Variants in RFX3 observed in about 807,000 individuals in gnomAD.
RFX3 encodes regulatory factor X3.
RFX3 carries 14 observed loss-of-function variants against 98.6 expected under a neutral mutation model. That is an observed-to-expected ratio of 0.14 (90% CI 0.09 to 0.22). The LOEUF is 0.22. Ranked by LOEUF, RFX3 falls within the 10% of genes least tolerant of loss-of-function variation. The pLI is 1.00. For synonymous variants in RFX3, 383 were observed against 328.4 expected (o/e 1.17, Z -1.80); for missense variants, 639 against 926.9 (o/e 0.69, Z 4.03).
chr9:3,464,728 T>C (rs1003695687), intron 1 of RFX3, among the ~76,000 whole-genome samples: 3 of 152,158 alleles, frequency 2.0e-5, no homozygotes, highest in African/African-American at 4.8e-5. Flanking sequence ...ACTCATCAAA[T>C]TGTACACTTA....
chr9:3,292,061 C>CAAAAAAAAAAAAAAAA lies in RFX3; in HGVS notation c.731+1000_731+1015dup, dbSNP rs58788880. Among the ~76,000 whole-genome samples, 8 of 23,944 alleles carry CAAAAAAAAAAAAAAAA rather than the reference C, an allele frequency of 3.3e-4. 2 individuals are homozygous for CAAAAAAAAAAAAAAAA. Among genetic ancestry groups the CAAAAAAAAAAAAAAAA allele is most frequent in the African/African-American group, 5.6e-4 (4 of 7,106 alleles). 15.7% of individuals were successfully genotyped at this position (23,944 alleles called of 152,430 possible). A position where few individuals can be genotyped will look rare whatever the true frequency, so the allele number is the denominator to read the frequency against. ...ACAGAAACAGAGTGAGACTCCATCT[C>CAAAAAAAAAAAAAAAA]AAAAAAAAAAAAAAAAAAAAAAAAA... On this transcript the variant is annotated intron_variant, in intron 6 of 16. Coordinates refer to ENST00000617270, the MANE Select transcript of RFX3 (RefSeq NM_001282116.2).
At chr9:3,238,917 C>T (rs980857540) in intron 15 of RFX3, among the ~76,000 whole-genome samples, 2 of 151,192 alleles carry the variant, frequency 1.3e-5, no homozygotes, top group Non-Finnish European at 2.9e-5. Context: ...CGCTTGAACC[C>T]GGGAGGCAGA....
intron 1 of RFX3, among the ~76,000 whole-genome samples, chr9:3,488,594 C>G (rs1410936717): frequency 2.0e-5 from 3 of 152,078 alleles, no homozygotes; most frequent in Admixed American, 1.3e-4. Context: ...AATATACTAC[C>G]TATGATAAAG....
chr9:3,314,930 C>A (rs1370702813), intron 4 of RFX3, among the ~76,000 whole-genome samples: 1 of 152,124 alleles, frequency 6.6e-6, no homozygotes, highest in African/African-American at 2.4e-5. Context: ...TAATGGGAGA[C>A]TTTAGCACCC....
At chr9:3,241,684 T>TAAA (rs1017023295) in intron 15 of RFX3, among the ~76,000 whole-genome samples, 2 of 152,238 alleles carry the variant, frequency 1.3e-5, no homozygotes, top group African/African-American at 4.8e-5. Context: ...GATTTACAAC[T>TAAA]AAAACCAAAC....
At chr9:3,503,405 A>G (rs1816267566) in intron 1 of RFX3, among the ~76,000 whole-genome samples, 1 of 152,084 alleles carries the variant, frequency 6.6e-6, no homozygotes, top group Non-Finnish European at 1.5e-5. Flanking sequence ...TGTTATATTT[A>G]TTATATTTTA....
At position 3,222,556 on chromosome 9, in the gene RFX3, T is replaced by C. The variant is rs1817392475; in HGVS notation, c.*2486A>G. The C allele has an allele frequency of 6.6e-6, 1 of 151,070 alleles. No homozygotes were observed. The highest frequency in any genetic ancestry group is 6.6e-5 in the Admixed American group (1 of 15,258). 9.4% of individuals were successfully genotyped at this position (151,070 alleles called of 1,614,324 possible). A position where few individuals can be genotyped will look rare whatever the true frequency, so the allele number is the denominator to read the frequency against. On this transcript the variant is annotated 3_prime_UTR_variant, in exon 17 of 17. Transcript: ENST00000617270. The stretch of plus-strand genomic sequence containing the variant: ...ACAAAATGAAACCAGTAAATACATT[T>C]GGTCCAATACAGATATAGTATCACT...
chr9:3,396,385 GC>G (rs1228552286), intron 1 of RFX3, among the ~76,000 whole-genome samples: 1 of 152,086 alleles, frequency 6.6e-6, no homozygotes, highest in Non-Finnish European at 1.5e-5. Flanking sequence ...ATTTTTTATG[GC>G]TGCATAGTAT....
At chr9:3,336,872 G>C (rs1833248312) in intron 3 of RFX3, among the ~76,000 whole-genome samples, 2 of 152,114 alleles carry the variant, frequency 1.3e-5, no homozygotes, top group African/African-American at 2.4e-5. Context: ...ATCATTTTTA[G>C]AAATTTTGTT....
intron 3 of RFX3, among the ~76,000 whole-genome samples, chr9:3,345,786 C>A (rs985047082): frequency 3.3e-5 from 5 of 152,034 alleles, no homozygotes; most frequent in African/African-American, 1.2e-4. Flanking sequence ...TGAGTTATTA[C>A]AGTAGTGAAT....
intron 2 of RFX3, among the ~76,000 whole-genome samples, chr9:3,384,117 C>T (rs1413112246): frequency 4.6e-5 from 7 of 152,098 alleles, no homozygotes; most frequent in Non-Finnish European, 1.0e-4. Context: ...TCCACAAAGG[C>T]ATGTAAAGAG....
Position 3,422,881 on chromosome 9 carries a change from A to G in RFX3, c.-8-27285T>C, listed in dbSNP as rs374444732. Among the ~76,000 whole-genome samples the G allele has an allele frequency of 8.3e-4, 127 of 152,302 alleles. 3 individuals carry two copies. The South Asian group carries it at 0.025, about 30-fold the overall frequency. On this transcript the variant is annotated intron_variant, in intron 1 of 16. Coordinates refer to ENST00000617270, the MANE Select transcript of RFX3 (RefSeq NM_001282116.2). ...CTATATAATTACAGTAGGATTGCCT[A>G]TCTGGACTGTGACAATGGAGCTATA...
At chr9:3,432,110 AT>A (rs1308775386) in intron 1 of RFX3, among the ~76,000 whole-genome samples, 2 of 152,144 alleles carry the variant, frequency 1.3e-5, no homozygotes, top group Non-Finnish European at 2.9e-5. Flanking sequence ...GCCTAAGAAG[AT>A]GAGAACAGCT....
At chr9:3,484,003 T>C (rs1171383150) in intron 1 of RFX3, among the ~76,000 whole-genome samples, 1 of 152,174 alleles carries the variant, frequency 6.6e-6, no homozygotes, top group African/African-American at 2.4e-5. Flanking sequence ...ACCAAATATA[T>C]ATATAACATC....
intron 4 of RFX3, among the ~76,000 whole-genome samples, chr9:3,323,133 G>A (rs1176586690): frequency 6.6e-6 from 1 of 152,152 alleles, no homozygotes; most frequent in Non-Finnish European, 1.5e-5. Context: ...GGCAAATAAA[G>A]ACAACAACTG....
chr9:3,459,497 A>T (rs1380825556), intron 1 of RFX3, among the ~76,000 whole-genome samples: 2 of 152,120 alleles, frequency 1.3e-5, no homozygotes, highest in Non-Finnish European at 2.9e-5. Context: ...GCACTCCTCT[A>T]TTATGAAGAC....
intron 3 of RFX3, among the ~76,000 whole-genome samples, chr9:3,339,414 A>T (rs893814149): frequency 1.7e-4 from 26 of 152,148 alleles, no homozygotes; most frequent in African/African-American, 6.3e-4. Context: ...ACACACATGT[A>T]CGTTAAGTCT....
chr9:3,413,877 T>G (rs1842666040), intron 1 of RFX3, among the ~76,000 whole-genome samples: 1 of 152,010 alleles, frequency 6.6e-6, no homozygotes, highest in African/African-American at 2.4e-5. Context: ...AAAATTATAC[T>G]CTCCACCTAG....
chr9:3,390,444 T>C (rs1217255561), intron 2 of RFX3, among the ~76,000 whole-genome samples: 4 of 152,194 alleles, frequency 2.6e-5, no homozygotes, highest in Admixed American at 2.6e-4. Context: ...ATGGTGATAA[T>C]GATACGGACT....
Sources: allele counts gnomAD v4.1 joint callset (sites outside exome capture counted in the v4.1 genomes callset), GRCh38; gene constraint gnomAD v4.1.1; transcripts MANE v1.5; gene names NCBI Gene and HGNC (gene_info 2026-07-23, HGNC 2026-07-21).